Variants in ENOSF1 observed in about 807,000 individuals in gnomAD.
ENOSF1 encodes mitochondrial enolase superfamily member 1.
ENOSF1 carries 73 observed loss-of-function variants against 68.2 expected under a neutral mutation model. The observed-to-expected ratio is 1.07, with a 90% CI of 0.89 to 1.30. The LOEUF (loss-of-function observed/expected upper bound fraction) is 1.30, where lower values mean the gene tolerates loss of function less well. Among genes scored for constraint, ENOSF1 ranks in the 50% most tolerant of loss-of-function variants. The probability of loss-of-function intolerance (pLI) is 0.00; values close to 1 mark genes in which losing one functional copy is unlikely to be tolerated. For synonymous variants in ENOSF1, 223 were observed against 210.4 expected, an observed-to-expected ratio of 1.06 and a Z score of -0.52; for missense variants, 589 against 554.5, an observed-to-expected ratio of 1.06 and a Z score of -0.62.
chr18:700,233 C>T (rs1364013831), intron 2 of ENOSF1, among the ~76,000 whole-genome samples: 2 of 152,154 alleles, frequency 1.3e-5, no homozygotes, highest in African/African-American at 4.8e-5. Flanking sequence ...TAATGGGATA[C>T]ACAATCATTC....
At chr18:664,462 A>G in the ENOSF1 span, among the ~76,000 whole-genome samples, 6 of 143,584 alleles carry the variant, frequency 4.2e-5, no homozygotes, top group Admixed American at 4.1e-4. Context: ...GTCGTCTGCA[A>G]ACAGGGACAA....
At chr18:704,156 C>CA (rs2078666630) in intron 2 of ENOSF1, among the ~76,000 whole-genome samples, 1 of 152,068 alleles carries the variant, frequency 6.6e-6, no homozygotes, top group African/African-American at 2.4e-5. Flanking sequence ...TAGCCTGGCT[C>CA]AGAGTGGTGG....
At chr18:710,438 T>C (rs574206600) in intron 1 of ENOSF1, among the ~76,000 whole-genome samples, 1 of 152,238 alleles carries the variant, frequency 6.6e-6, no homozygotes, top group Non-Finnish European at 1.5e-5. Context: ...ATTTCACAAA[T>C]TCAAAGTCAA....
At chr18:693,049 C>T (rs1310860261) in intron 5 of ENOSF1, 1 of 1,275,968 alleles carries the variant, frequency 7.8e-7, no homozygotes, top group Non-Finnish European at 1.0e-6. Flanking sequence ...GGGGAAGTCA[C>T]ATGCTCAAGG....
At position 678,698 on chromosome 18, in the gene ENOSF1, G is replaced by A. The variant is rs771980066; in HGVS notation, c.916C>T (p.Gln306Ter). Residue 306 changes from glutamine to a stop codon, truncating the protein, a stop_gained and splice_region_variant, in exon 12 of 16, where the codon CAG becomes TAG. Coordinates refer to ENST00000647584, the MANE Select transcript of ENOSF1 (RefSeq NM_017512.7). LOFTEE classifies it high-confidence loss of function. ...CACCTGTTGGGGGCGTCACTCACCT[G>A]TTCTCCTGTGGCAATGCCAATTCCT... ...PLGIGIATGE[Q>*]CHNRVIFKQL... The A allele has an allele frequency of 1.9e-6, 3 of 1,613,988 alleles. No individual in the cohort carries two copies. Among genetic ancestry groups the A allele is most frequent in the African/African-American group, 2.7e-5 (2 of 75,040 alleles).
chr18:666,939 AGATGGT>A (rs1301411807), downstream of ENOSF1, among the ~76,000 whole-genome samples: 18 of 28,106 alleles, frequency 6.4e-4, 3 homozygotes, highest in Admixed American at 3.3e-3. Context: ...ATGGTGATGG[AGATGGT>A]GATGGTGATG....
At chr18:695,288 A>G (rs2077602056) in intron 3 of ENOSF1, among the ~76,000 whole-genome samples, 2 of 152,216 alleles carry the variant, frequency 1.3e-5, no homozygotes, top group South Asian at 4.1e-4. Flanking sequence ...TTCAGGTAAT[A>G]CATTTTTTGG....
At position 670,804 on chromosome 18, in the gene ENOSF1, G is replaced by C; in HGVS notation, c.*3501C>G. On this transcript the variant is annotated 3_prime_UTR_variant, in exon 16 of 16. Coordinates refer to ENST00000647584, the MANE Select transcript of ENOSF1 (RefSeq NM_017512.7). The stretch of plus-strand genomic sequence containing the variant: ...GATCGGGAGACATGGGCCTCGGTGT[G>C]CCTTTCAACATCGCCAGCTACGCCC... 2 of 1,614,090 alleles carry C rather than the reference G, an allele frequency of 1.2e-6. No homozygotes were observed.
intron 11 of ENOSF1, among the ~76,000 whole-genome samples, chr18:680,225 G>A (rs1183905466): frequency 1.3e-5 from 2 of 152,178 alleles, no homozygotes; most frequent in African/African-American, 2.4e-5. Flanking sequence ...CCCCGCCTGT[G>A]CCACCCAAAG....
At chr18:705,674 T>G (rs1337005188) in intron 2 of ENOSF1, among the ~76,000 whole-genome samples, 1 of 152,096 alleles carries the variant, frequency 6.6e-6, no homozygotes, top group Non-Finnish European at 1.5e-5. Context: ...AAAGCCCTTT[T>G]CGCCATGAAA....
At chr18:698,493 A>G (rs1032816069) in intron 2 of ENOSF1, among the ~76,000 whole-genome samples, 2 of 152,260 alleles carry the variant, frequency 1.3e-5, no homozygotes, top group Non-Finnish European at 2.9e-5. Context: ...AAAATATATG[A>G]AAACACTGTC....
chr18:692,603 A>T (rs1159068612), intron 5 of ENOSF1: 1 of 728,004 alleles, frequency 1.4e-6, no homozygotes, highest in Admixed American at 6.7e-5. Context: ...GTCTAAAAAA[A>T]AAAAAAAGAA....
intron 5 of ENOSF1, chr18:693,271 G>GCTA: frequency 1.6e-6 from 2 of 1,283,196 alleles, no homozygotes; most frequent in South Asian, 2.5e-5. Context: ...TACAGTAGAG[G>GCTA]CTACAATGGC....
At position 674,254 on chromosome 18, in the gene ENOSF1, A is replaced by T. The variant is rs777892637; in HGVS notation, c.*51T>A. The T allele has an allele frequency of 7.8e-7, 1 of 1,274,618 alleles. No individual in the cohort carries two copies. The highest frequency in any genetic ancestry group is 2.2e-5 in the Admixed American group (1 of 45,484). 79.0% of individuals were successfully genotyped at this position (1,274,618 alleles called of 1,614,324 possible). ...CATTTTTGTAAAACTATTTCCAAGA[A>T]ATTTTAAGCCCTTTCACTTCAGAAA... On this transcript the variant is annotated 3_prime_UTR_variant, in exon 16 of 16. Transcript: ENST00000647584.
intron 15 of ENOSF1, 22 bp downstream of exon 15, chr18:675,299 G>A (rs773742277): frequency 5.0e-6 from 8 of 1,591,190 alleles, no homozygotes; most frequent in Non-Finnish European, 6.9e-6. Context: ...TCTTCTACAG[G>A]GGCCCTCAGG....
downstream of ENOSF1, chr18:669,241 G>A: frequency 1.4e-6 from 2 of 1,409,198 alleles, no homozygotes; most frequent in Admixed American, 3.6e-5. Flanking sequence ...CTGGTTTTGT[G>A]CAGAGGCACC....
At chr18:668,124 G>C (rs747382151), downstream of ENOSF1, among the ~76,000 whole-genome samples, 1 of 150,954 alleles carries the variant, frequency 6.6e-6, no homozygotes. Flanking sequence ...GTCAGATTTT[G>C]CTAGTTTTAC....
chr18:669,071 G>C, downstream of ENOSF1: 1 of 1,613,112 alleles, frequency 6.2e-7, no homozygotes, highest in Non-Finnish European at 8.5e-7. Context: ...CAATTCTACA[G>C]ATTATTCAGG....
intron 5 of ENOSF1, chr18:693,520 T>G (rs1274147432): frequency 1.0e-6 from 1 of 985,308 alleles, no homozygotes; most frequent in Non-Finnish European, 1.2e-6. Context: ...TTTCAGAGTT[T>G]ATGAGGTGCT....
Sources: gnomAD v4.1 joint callset for allele counts (sites outside exome capture counted in the v4.1 genomes callset) on GRCh38, gnomAD v4.1.1 for gene constraint, MANE v1.5 for transcripts, NCBI Gene and HGNC (gene_info 2026-07-23, HGNC 2026-07-21) for gene names.